Variants in MAGI2 observed in about 807,000 individuals in gnomAD.
MAGI2 encodes membrane-associated guanylate kinase, WW and PDZ domain-containing protein 2.
A neutral mutation model predicts 133.3 loss-of-function variants in MAGI2; 35 were observed. The observed-to-expected ratio is 0.26, with a 90% CI of 0.20 to 0.35. The LOEUF (loss-of-function observed/expected upper bound fraction) is 0.35. MAGI2 is among the 10% of genes least tolerant of loss of function. The probability of loss-of-function intolerance (pLI) is 1.00; values close to 1 mark genes in which losing one functional copy is unlikely to be tolerated. For missense variants in MAGI2, 1,636 were observed against 1,863.4 expected (o/e 0.88, Z 2.25); for synonymous variants, 729 against 710.6 (o/e 1.03, Z -0.41).
intron 2 of MAGI2, among the ~76,000 whole-genome samples, chr7:78,697,940 G>A (rs1283847970): frequency 6.6e-6 from 1 of 152,044 alleles, no homozygotes; most frequent in African/African-American, 2.4e-5. Flanking sequence ...ATTGTTAAAG[G>A]ATTTTCTATT....
At chr7:79,189,860 G>T (rs1321580898) in intron 1 of MAGI2, among the ~76,000 whole-genome samples, 1 of 151,770 alleles carries the variant, frequency 6.6e-6, no homozygotes, top group Admixed American at 6.6e-5. Context: ...ATGTCCTATA[G>T]TTGGAATCAT....
chr7:79,169,841 G>A (rs974256311), intron 1 of MAGI2, among the ~76,000 whole-genome samples: 4 of 151,842 alleles, frequency 2.6e-5, no homozygotes, highest in African/African-American at 9.7e-5. Flanking sequence ...TTGCAGGAGG[G>A]GTGATTAGCT....
intron 2 of MAGI2, among the ~76,000 whole-genome samples, chr7:78,997,789 A>G (rs1806461682): frequency 1.3e-5 from 2 of 152,072 alleles, no homozygotes; most frequent in South Asian, 4.1e-4. Flanking sequence ...CTTTAGCTAT[A>G]TCTATTTGGG....
intron 1 of MAGI2, among the ~76,000 whole-genome samples, chr7:79,161,384 C>T (rs532544111): frequency 6.8e-4 from 103 of 152,086 alleles, no homozygotes; most frequent in Non-Finnish European, 1.2e-3. Context: ...GGGGCTGATG[C>T]CAAAAATAAA....
At chr7:79,128,801 C>A (rs1398855051) in intron 1 of MAGI2, among the ~76,000 whole-genome samples, 2 of 152,172 alleles carry the variant, frequency 1.3e-5, no homozygotes, top group Non-Finnish European at 2.9e-5. Flanking sequence ...AACCTATCAT[C>A]GTAAGTTGAA....
At chr7:79,275,695 A>G (rs1273541626) in intron 1 of MAGI2, among the ~76,000 whole-genome samples, 1 of 152,130 alleles carries the variant, frequency 6.6e-6, no homozygotes, top group South Asian at 2.1e-4. Context: ...AAAGCATCAC[A>G]GGACAGGCTG....
At position 78,787,627 on chromosome 7, in the gene MAGI2, T is replaced by C. The variant is rs192604377; in HGVS notation, c.419-160388A>G. Among the ~76,000 whole-genome samples, 273 of 152,348 alleles carry C rather than the reference T, an allele frequency of 1.8e-3. 1 individual carries two copies. The highest frequency in any genetic ancestry group is 6.0e-3 in the African/African-American group (251 of 41,590). ...CCCGTTACTGCCAAAACCATCAAGT[T>C]AATATTAGCCAGCAAAAAGCTAATG... is the stretch of plus-strand genomic sequence containing the variant. On this transcript the variant is annotated intron_variant, in intron 2 of 21. Coordinates refer to ENST00000354212, the MANE Select transcript of MAGI2 (RefSeq NM_012301.4).
At chr7:78,914,224 G>C (rs1169268443) in intron 2 of MAGI2, among the ~76,000 whole-genome samples, 1 of 152,006 alleles carries the variant, frequency 6.6e-6, no homozygotes, top group Admixed American at 6.6e-5. Context: ...CACAGATAAA[G>C]GATTCAATAA....
chr7:78,825,855 C>G (rs1004799733), intron 2 of MAGI2, among the ~76,000 whole-genome samples: 1 of 152,020 alleles, frequency 6.6e-6, no homozygotes, highest in African/African-American at 2.4e-5. Flanking sequence ...TGTCTCCAAC[C>G]GATTTGAAAA....
intron 9 of MAGI2, among the ~76,000 whole-genome samples, chr7:78,323,282 C>T (rs1181564334): frequency 6.6e-6 from 1 of 152,074 alleles, no homozygotes; most frequent in Non-Finnish European, 1.5e-5. Flanking sequence ...ATTAATTTTC[C>T]TCATAAAACC....
intron 2 of MAGI2, among the ~76,000 whole-genome samples, chr7:78,670,164 T>C (rs1176170551): frequency 3.3e-5 from 5 of 151,960 alleles, no homozygotes; most frequent in East Asian, 1.9e-4. Flanking sequence ...ATTGTATATC[T>C]AGAAAACCCC....
chr7:79,297,292 C>T (rs983559338), intron 1 of MAGI2, among the ~76,000 whole-genome samples: 1 of 152,024 alleles, frequency 6.6e-6, no homozygotes, highest in African/African-American at 2.4e-5. Context: ...ACTAGAGATG[C>T]CAGGAGGAAG....
chr7:79,044,691 G>C (rs1812005376), intron 1 of MAGI2, among the ~76,000 whole-genome samples: 1 of 152,116 alleles, frequency 6.6e-6, no homozygotes, highest in Admixed American at 6.6e-5. Flanking sequence ...CTGCCCAAAA[G>C]CTCCTAGATC....
intron 4 of MAGI2, among the ~76,000 whole-genome samples, chr7:78,505,126 A>G (rs1468694151): frequency 2.0e-5 from 3 of 152,140 alleles, no homozygotes; most frequent in African/African-American, 7.2e-5. Context: ...TATTATTTTT[A>G]TAACTTCAAA....
intron 1 of MAGI2, among the ~76,000 whole-genome samples, chr7:79,043,409 G>T (rs1811857007): frequency 6.6e-6 from 1 of 151,672 alleles, no homozygotes; most frequent in African/African-American, 2.4e-5. Context: ...TGAGTGTGTT[G>T]GTGGGCGCCT....
At chr7:79,216,814 G>A (rs1830066708) in intron 1 of MAGI2, among the ~76,000 whole-genome samples, 1 of 152,102 alleles carries the variant, frequency 6.6e-6, no homozygotes, top group Non-Finnish European at 1.5e-5. Context: ...TGCAAGAACA[G>A]AATAGAGTGG....
intron 10 of MAGI2, among the ~76,000 whole-genome samples, chr7:78,238,544 AT>A (rs1421773127): frequency 6.6e-6 from 1 of 151,694 alleles, no homozygotes; most frequent in Non-Finnish European, 1.5e-5. Flanking sequence ...CAAAAAAAAA[AT>A]CTTTGATTTT....
intron 9 of MAGI2, among the ~76,000 whole-genome samples, chr7:78,256,892 T>G (rs553930620): frequency 6.6e-6 from 1 of 152,356 alleles, no homozygotes; most frequent in Admixed American, 6.5e-5. Flanking sequence ...ACATTCTCTA[T>G]GCTTCTTTTT....
At position 78,770,068 on chromosome 7, in the gene MAGI2, T is replaced by A. The variant is rs554779976; in HGVS notation, c.419-142829A>T. Among the ~76,000 whole-genome samples, 4 of 152,334 alleles carry A rather than the reference T, an allele frequency of 2.6e-5. No homozygotes were observed. The East Asian group carries it at 7.7e-4, about 29-fold the overall frequency. On this transcript the variant is annotated intron_variant, in intron 2 of 21. Coordinates refer to ENST00000354212, the MANE Select transcript of MAGI2 (RefSeq NM_012301.4). ...ACCAGGGCACAATGGCAAATTGGCA[T>A]ACAAGCCCCTTGCTATCACGGAAAG...
Sources: gnomAD v4.1 joint callset for allele counts (sites outside exome capture counted in the v4.1 genomes callset) on GRCh38, gnomAD v4.1.1 for gene constraint, MANE v1.5 for transcripts, NCBI Gene and HGNC (gene_info 2026-07-23, HGNC 2026-07-21) for gene names.